The following BBS9 variants were observed in gnomAD, a reference collection of about 807,000 sequenced individuals.
The protein encoded by BBS9 is Bardet-Biedl syndrome 9.
In BBS9, 89 loss-of-function variants were observed where a neutral mutation model predicts 117.7. The ratio of observed to expected loss-of-function variants is 0.76; its 90% CI spans 0.64 to 0.90. The LOEUF is 0.90. BBS9 is among the 40% of genes least tolerant of loss of function. The probability of loss-of-function intolerance (pLI) is 0.00; values close to 1 mark genes in which losing one functional copy is unlikely to be tolerated. For missense variants in BBS9, 982 were observed against 1,042.2 expected (o/e 0.94, Z 0.80); for synonymous variants, 379 against 370.9 (o/e 1.02, Z -0.25).
intron 9 of BBS9, among the ~76,000 whole-genome samples, chr7:33,274,560 C>T (rs915115212): frequency 2.6e-4 from 39 of 152,102 alleles, no homozygotes; most frequent in Non-Finnish European, 4.4e-5. Context: ...ACTGAGATGC[C>T]GATGAACTTT....
intron 21 of BBS9, among the ~76,000 whole-genome samples, chr7:33,604,498 TTA>T (rs34259608): frequency 0.051 from 7,806 of 152,244 alleles, 393 homozygotes; most frequent in East Asian, 0.3. Context: ...TTTGCTTCTT[TTA>T]TAGTTTCTGA....
At chr7:33,416,581 G>A (rs1247778173) in intron 19 of BBS9, among the ~76,000 whole-genome samples, 5 of 152,048 alleles carry the variant, frequency 3.3e-5, no homozygotes, top group Non-Finnish European at 7.4e-5. Flanking sequence ...TGCAACAAAT[G>A]TTATGTGAGT....
At chr7:33,600,419 A>T (rs533397148) in intron 21 of BBS9, among the ~76,000 whole-genome samples, 4 of 151,418 alleles carry the variant, frequency 2.6e-5, no homozygotes, top group African/African-American at 9.7e-5. Context: ...TTTGAGAAGC[A>T]TTGCTGTAAA....
At chr7:33,491,445 T>C (rs1843882584) in intron 19 of BBS9, among the ~76,000 whole-genome samples, 1 of 152,176 alleles carries the variant, frequency 6.6e-6, no homozygotes, top group African/African-American at 2.4e-5. Flanking sequence ...ACAACTGGTA[T>C]TCTAGGTACT....
At position 33,219,368 on chromosome 7, in the gene BBS9, C is replaced by T. The variant is rs536265215; in HGVS notation, c.443-37868C>T. ...AGGGCTGGGGAGTGCGGGCACAGGG[C>T]GCGGGACTGGCAGGCAGCTCCACCT... On this transcript the variant is annotated intron_variant, in intron 5 of 22. Transcript: ENST00000242067. 3.9e-5 allele frequency among the ~76,000 whole-genome samples: 6 copies of T among 152,164 alleles called. No individual in the cohort carries two copies. The East Asian group carries it at 7.7e-4, about 20-fold the overall frequency.
At position 33,264,280 on chromosome 7, in the gene BBS9, T is replaced by C. The variant is rs770024555; in HGVS notation, c.618-10T>C. 1.4e-6 allele frequency: 2 copies of C among 1,452,206 alleles called. No individual in the cohort carries two copies. Among genetic ancestry groups the C allele is most frequent in the South Asian group, 1.6e-5 (1 of 62,160 alleles). The allele number at this position is 1,452,206 out of a possible 1,614,324, so 90.0% of individuals were successfully genotyped here. A position where few individuals can be genotyped will look rare whatever the true frequency, so the allele number is the denominator to read the frequency against. On this transcript the variant is annotated splice_polypyrimidine_tract_variant and intron_variant, in intron 6 of 22. Transcript: ENST00000242067. ...ACTCATTTATAATTTTTTAAATTTC[T>C]TTCATACAGGTACCAGGTACTTGCT...
At chr7:33,314,263 T>C (rs551100790) in intron 9 of BBS9, 2 of 427,474 alleles carry the variant, frequency 4.7e-6, no homozygotes, top group South Asian at 3.5e-5. Flanking sequence ...CTTACAGATT[T>C]TCTTTATGGA....
chr7:33,515,863 A>G (rs1847679633), intron 20 of BBS9, among the ~76,000 whole-genome samples: 1 of 152,224 alleles, frequency 6.6e-6, no homozygotes. Context: ...GTCATTCTTC[A>G]GTCATGAATG....
chr7:33,579,713 T>C (rs1280497938), intron 21 of BBS9, among the ~76,000 whole-genome samples: 2 of 152,094 alleles, frequency 1.3e-5, no homozygotes, highest in African/African-American at 2.4e-5. Flanking sequence ...AAAAATAAAA[T>C]GTCAGCCAAG....
intron 1 of BBS9, among the ~76,000 whole-genome samples, chr7:33,146,011 A>G (rs1760864428): frequency 6.6e-6 from 1 of 152,256 alleles, no homozygotes. Context: ...AGAGAGAATT[A>G]GCACAACATA....
At position 33,547,062 on chromosome 7, in the gene BBS9, G is replaced by T. The variant is rs527633798; in HGVS notation, c.2521+12886G>T. Among the ~76,000 whole-genome samples the T allele has an allele frequency of 2.6e-5, 4 of 152,200 alleles. No homozygotes were observed. In the South Asian group the frequency reaches 8.3e-4, roughly 32 times the overall value. ...TGAAATAATTATAGACTCGTGGGAA[G>T]ATGCAAAAATAATACATACAATCTC... On this transcript the variant is annotated intron_variant, in intron 21 of 22. Transcript: ENST00000242067.
intron 20 of BBS9, among the ~76,000 whole-genome samples, chr7:33,518,880 G>A (rs1848200628): frequency 6.6e-6 from 1 of 152,108 alleles, no homozygotes; most frequent in South Asian, 2.1e-4. Flanking sequence ...GTGCAGCTCT[G>A]TCATTCCAGA....
chr7:33,167,862 G>A (rs558689844), intron 4 of BBS9, among the ~76,000 whole-genome samples: 20 of 152,116 alleles, frequency 1.3e-4, no homozygotes, highest in Admixed American at 1.1e-3. Context: ...CAGGAACTGC[G>A]TTAAAATTAA....
Position 33,272,997 on chromosome 7 carries a change from A to T in BBS9, c.703-15A>T. ...GAGGTTAGCAACTAAATTGATATTGAGTTTTGCTTTGTAGGTGGATTGGAC... is the reference window on the plus strand; with the variant it reads ...GAGGTTAGCAACTAAATTGATATTGTGTTTTGCTTTGTAGGTGGATTGGAC... On this transcript the variant is annotated splice_polypyrimidine_tract_variant and intron_variant, in intron 7 of 22. Coordinates refer to ENST00000242067, the MANE Select transcript of BBS9 (RefSeq NM_198428.3). The T allele has an allele frequency of 6.2e-7, 1 of 1,613,336 alleles. No individual in the cohort carries two copies. Among genetic ancestry groups the T allele is most frequent in the East Asian group, 2.2e-5 (1 of 44,816 alleles).
intron 3 of BBS9, 49 bp from the exon 4 acceptor site, chr7:33,155,589 C>A: frequency 1.6e-6 from 2 of 1,266,236 alleles, no homozygotes; most frequent in Non-Finnish European, 2.3e-6. Context: ...TTTTTGGTTA[C>A]GTCTAAAGCT....
intron 21 of BBS9, among the ~76,000 whole-genome samples, chr7:33,633,512 T>C (rs1562547901): frequency 8.9e-6 from 1 of 112,416 alleles, no homozygotes; most frequent in African/African-American, 4.2e-5. Flanking sequence ...ACTTTTTTCT[T>C]TTTTTTTTTT....
intron 16 of BBS9, among the ~76,000 whole-genome samples, chr7:33,366,633 C>G (rs1211072052): frequency 1.3e-5 from 2 of 150,660 alleles, no homozygotes; most frequent in African/African-American, 4.9e-5. Context: ...CAGCCTCCAC[C>G]TCCTGGGTTC....
chr7:33,336,447 A>G lies in BBS9; in HGVS notation c.1023A>G (p.Leu341=), dbSNP rs774719574. The change falls in exon 10 of 23, where the codon TTA becomes TTG. Residue 341 remains leucine, a synonymous_variant. Coordinates refer to ENST00000242067, the MANE Select transcript of BBS9 (RefSeq NM_198428.3). Reference sequence around the variant, plus strand: ...TTTCTCTTCCTTATTGTAGTGATTTAAAGGGAGTGATAGTCACTCTGAGTG... The same window carrying G: ...TTTCTCTTCCTTATTGTAGTGATTTGAAGGGAGTGATAGTCACTCTGAGTG... ...VAVRVGCLHD[L]KGVIVTLSDD... The G allele has an allele frequency of 1.2e-6, 2 of 1,612,964 alleles. No individual in the cohort carries two copies. The highest frequency in any genetic ancestry group is 1.7e-6 in the Non-Finnish European group (2 of 1,179,116).
At chr7:33,538,212 C>T (rs534636541) in intron 21 of BBS9, among the ~76,000 whole-genome samples, 1 of 152,048 alleles carries the variant, frequency 6.6e-6, no homozygotes, top group African/African-American at 2.4e-5. Flanking sequence ...AAAAGGAAGC[C>T]AAGAGGAGGG....
Sources: allele counts gnomAD v4.1 joint callset (sites outside exome capture counted in the v4.1 genomes callset), GRCh38; gene constraint gnomAD v4.1.1; transcripts MANE v1.5; gene names NCBI Gene and HGNC (gene_info 2026-07-23, HGNC 2026-07-21).